Variants in TXNDC11 observed in about 807,000 individuals in gnomAD.
TXNDC11 encodes thioredoxin domain containing 11.
TXNDC11 carries 68 observed loss-of-function variants against 78.0 expected under a neutral mutation model. The ratio of observed to expected loss-of-function variants is 0.87; its 90% CI spans 0.72 to 1.07. The LOEUF (loss-of-function observed/expected upper bound fraction) is 1.07. TXNDC11 is among the 50% of genes least tolerant of loss of function. The probability of loss-of-function intolerance (pLI) is 0.00; values close to 1 mark genes in which losing one functional copy is unlikely to be tolerated. For missense variants in TXNDC11, 1,389 were observed against 1,221.8 expected, an observed-to-expected ratio of 1.14 and a Z score of -2.04; for synonymous variants, 571 against 495.2, an observed-to-expected ratio of 1.15 and a Z score of -2.03.
At chr16:11,706,668 G>C (rs2051190595) in intron 5 of TXNDC11, among the ~76,000 whole-genome samples, 1 of 152,146 alleles carries the variant, frequency 6.6e-6, no homozygotes, top group Non-Finnish European at 1.5e-5. Flanking sequence ...CCCAAGTATA[G>C]CTTTGGCTGC....
At chr16:11,736,367 G>T in intron 1 of TXNDC11, 134 bp from the exon 2 acceptor site, 1 of 674,472 alleles carries the variant, frequency 1.5e-6, no homozygotes, top group Non-Finnish European at 2.5e-6. Context: ...CACTGCCCTA[G>T]AAAGGCAACA....
At chr16:11,737,444 T>TAAAA (rs879331283) in intron 1 of TXNDC11, among the ~76,000 whole-genome samples, 1 of 111,470 alleles carries the variant, frequency 9.0e-6, no homozygotes, top group African/African-American at 3.4e-5. Flanking sequence ...AAACTCCATC[T>TAAAA]AAAAAAAAAA....
intron 5 of TXNDC11, among the ~76,000 whole-genome samples, chr16:11,717,570 C>T (rs537939181): frequency 1.4e-3 from 210 of 152,006 alleles, no homozygotes; most frequent in African/African-American, 4.6e-3. Context: ...GCCTGTAATC[C>T]CAGCACTTTG....
chr16:11,712,563 G>T (rs1012728889), intron 5 of TXNDC11, among the ~76,000 whole-genome samples: 1 of 152,092 alleles, frequency 6.6e-6, no homozygotes, highest in Non-Finnish European at 1.5e-5. Flanking sequence ...TCCTCAAATG[G>T]TTGTTGAATT....
At chr16:11,688,172 G>A (rs770457088) in intron 9 of TXNDC11, 131 bp downstream of exon 9, 16 of 1,043,730 alleles carry the variant, frequency 1.5e-5, no homozygotes, top group South Asian at 4.5e-5. Flanking sequence ...ATTCATTCAC[G>A]GTCCATAATT....
chr16:11,741,622 C>T (rs1179480976), intron 1 of TXNDC11, among the ~76,000 whole-genome samples: 1 of 152,212 alleles, frequency 6.6e-6, no homozygotes. Context: ...CGTTTCTATG[C>T]CCTGCATAGC....
intron 8 of TXNDC11, chr16:11,690,915 T>C (rs1490127042): frequency 4.7e-6 from 1 of 212,644 alleles, no homozygotes; most frequent in Non-Finnish European, 9.4e-6. Flanking sequence ...CTCACTTTCA[T>C]CAGCCCCTAG....
intron 7 of TXNDC11, among the ~76,000 whole-genome samples, chr16:11,694,746 C>A (rs1404889421): frequency 6.6e-6 from 1 of 152,236 alleles, no homozygotes; most frequent in African/African-American, 2.4e-5. Context: ...AGCCACTGCG[C>A]CCAGCCAGCA....
chr16:11,720,106 C>G (rs945892764), intron 5 of TXNDC11, among the ~76,000 whole-genome samples: 2 of 152,082 alleles, frequency 1.3e-5, no homozygotes, highest in African/African-American at 4.8e-5. Context: ...GGATCTGACA[C>G]AAGTGACAAG....
intron 4 of TXNDC11, among the ~76,000 whole-genome samples, chr16:11,722,839 AAT>A (rs1164347101): frequency 6.6e-6 from 1 of 152,236 alleles, no homozygotes; most frequent in Non-Finnish European, 1.5e-5. Flanking sequence ...GTTTAAAATC[AAT>A]ATGTTATAAA....
chr16:11,729,023 T>A (rs1296106871), intron 4 of TXNDC11, among the ~76,000 whole-genome samples: 1 of 152,070 alleles, frequency 6.6e-6, no homozygotes, highest in African/African-American at 2.4e-5. Flanking sequence ...AATCAATCAA[T>A]CAATCAATGG....
intron 5 of TXNDC11, among the ~76,000 whole-genome samples, chr16:11,718,882 T>C (rs1198872686): frequency 6.6e-6 from 1 of 152,190 alleles, no homozygotes; most frequent in Non-Finnish European, 1.5e-5. Context: ...AATTAGTGAT[T>C]TGACCAAGGA....
At chr16:11,706,024 T>G (rs139067467) in intron 5 of TXNDC11, among the ~76,000 whole-genome samples, 1 of 152,184 alleles carries the variant, frequency 6.6e-6, no homozygotes, top group Admixed American at 6.5e-5. Context: ...AACTTGGAAT[T>G]TGTTGGACAA....
At position 11,700,473 on chromosome 16, in the gene TXNDC11, A is replaced by G. The variant is rs1175717675; in HGVS notation, c.885T>C (p.His295=). 6.4e-7 allele frequency: 1 copy of G among 1,558,614 alleles called. No individual in the cohort carries two copies. Among genetic ancestry groups the G allele is most frequent in the Admixed American group, 1.7e-5 (1 of 59,090 alleles). ...TTACAAGTGATGTGTTGAAATGTCT[A>G]TGTAAATACACACTTCCAGAGTGTA... ...SLVHSGSVYL[H]RHFNTSLVFP... Residue 295 remains histidine, a synonymous_variant, in exon 6 of 12, where the codon CAT becomes CAC. Coordinates refer to ENST00000283033, the MANE Select transcript of TXNDC11 (RefSeq NM_015914.7).
At chr16:11,687,099 T>TTGTCTGCTTTCCCTG (rs1437884438) in intron 10 of TXNDC11, among the ~76,000 whole-genome samples, 2 of 152,240 alleles carry the variant, frequency 1.3e-5, no homozygotes, top group African/African-American at 2.4e-5. Flanking sequence ...GTCCCCCTTT[T>TTGTCTGCTTTCCCTG]TGTCTGCTTT....
chr16:11,742,812 C>T lies in TXNDC11; in HGVS notation c.-82G>A. 7.3e-7 allele frequency: 1 copy of T among 1,374,368 alleles called. No homozygotes were observed. Among genetic ancestry groups the T allele is most frequent in the Non-Finnish European group, 9.4e-7 (1 of 1,069,428 alleles). 85.1% of individuals were successfully genotyped at this position (1,374,368 alleles called of 1,614,324 possible). On this transcript the variant is annotated 5_prime_UTR_variant, in exon 1 of 12. Coordinates refer to ENST00000283033, the MANE Select transcript of TXNDC11 (RefSeq NM_015914.7). ...CGGCCCGGCCCGTTGCTCCCCAATC[C>T]CGCAGCTCGCCGCACCCGCTAACCC...
At chr16:11,705,940 G>A (rs2051168686) in intron 5 of TXNDC11, among the ~76,000 whole-genome samples, 2 of 152,118 alleles carry the variant, frequency 1.3e-5, no homozygotes, top group South Asian at 4.1e-4. Flanking sequence ...GGCTTTCTAC[G>A]ACAGAAGTCT....
At chr16:11,723,561 G>T (rs1278419459) in intron 4 of TXNDC11, among the ~76,000 whole-genome samples, 1 of 151,940 alleles carries the variant, frequency 6.6e-6, no homozygotes, top group Non-Finnish European at 1.5e-5. Context: ...TTCCAGCCTG[G>T]GCAAAAGGGC....
At chr16:11,702,092 G>GTATATATATATATATA (rs35673646) in intron 5 of TXNDC11, among the ~76,000 whole-genome samples, 26 of 144,360 alleles carry the variant, frequency 1.8e-4, no homozygotes, top group African/African-American at 6.4e-4. Context: ...GTATGTATGT[G>GTATATATATATATATA]TATATATATA....
Sources: gnomAD v4.1 joint callset for allele counts (sites outside exome capture counted in the v4.1 genomes callset) on GRCh38, gnomAD v4.1.1 for gene constraint, MANE v1.5 for transcripts, NCBI Gene and HGNC (gene_info 2026-07-23, HGNC 2026-07-21) for gene names.